POU2F2: variants seen among roughly 807,000 people sequenced by gnomAD.
The protein encoded by POU2F2 is POU class 2 homeobox 2, also known as POU domain, class 2, transcription factor 2.
A neutral mutation model predicts 63.5 loss-of-function variants in POU2F2; 14 were observed. The ratio of observed to expected loss-of-function variants is 0.22; its 90% CI spans 0.15 to 0.34. POU2F2 has a LOEUF of 0.34. POU2F2 is among the 10% of genes least tolerant of loss of function. The pLI is 1.00. For missense variants in POU2F2, 607 were observed against 815.2 expected (o/e 0.74, Z 3.11); for synonymous variants, 306 against 348.6 (o/e 0.88, Z 1.36).
At position 42,128,321 on chromosome 19, in the gene POU2F2, C is replaced by A. The variant is rs117061379; in HGVS notation, c.28+4063G>T. Among the ~76,000 whole-genome samples, 14 of 152,318 alleles carry A rather than the reference C, an allele frequency of 9.2e-5. No individual in the cohort carries two copies. In the East Asian group the frequency reaches 1.7e-3, roughly 19 times the overall value. ...ATCCCCAAGAAACCCTAACTTAAATCTTTAAGGTATGATTTCCTCTGCAGA... is the reference window on the plus strand; with the variant it reads ...ATCCCCAAGAAACCCTAACTTAAATATTTAAGGTATGATTTCCTCTGCAGA... On this transcript the variant is annotated intron_variant, in intron 1 of 14. Coordinates refer to ENST00000692977, the MANE Select transcript of POU2F2 (RefSeq NM_001394376.1).
upstream of POU2F2, chr19:42,137,196 G>C (rs2146750132): frequency 6.6e-6 from 1 of 152,308 alleles, no homozygotes; most frequent in South Asian, 2.1e-4. Context: ...TCAACTAGCA[G>C]GGCATGGTGG....
intron 1 of POU2F2, among the ~76,000 whole-genome samples, chr19:42,181,552 G>A (rs997826833): frequency 3.3e-5 from 5 of 150,584 alleles, no homozygotes; most frequent in Middle Eastern, 3.2e-3. Flanking sequence ...CCTTAATTGA[G>A]TGTGTGCGTC....
intron 1 of POU2F2, among the ~76,000 whole-genome samples, chr19:42,128,769 A>G (rs925430825): frequency 6.6e-6 from 1 of 151,348 alleles, no homozygotes; most frequent in Admixed American, 6.6e-5. Context: ...CCCACCCTAG[A>G]CTCTGATTTC....
At chr19:42,142,156 C>G (rs776619176) in intron 2 of POU2F2, among the ~76,000 whole-genome samples, 1 of 152,142 alleles carries the variant, frequency 6.6e-6, no homozygotes, top group Non-Finnish European at 1.5e-5. Context: ...TGGAAGGTAA[C>G]TAATTATAAC....
rs1421521190 is a variant in POU2F2 at position 42,091,411 on chromosome 19, G to C, written c.1721C>G (p.Ala574Gly). 3.9e-6 allele frequency: 6 copies of C among 1,548,116 alleles called. No homozygotes were observed. The highest frequency in any genetic ancestry group is 5.2e-6 in the Non-Finnish European group (6 of 1,146,910). ...PPGVGLVSAA[A>G]AAVAASISSK... ...GGAGATGGAGGCTGCCACAGCCGCAGCCGCTGCTGAGACCAGGCCCACACC... is the reference window on the plus strand; with the variant it reads ...GGAGATGGAGGCTGCCACAGCCGCACCCGCTGCTGAGACCAGGCCCACACC... The change falls in exon 15 of 15, where the codon GCT becomes GGT. Residue 574 changes from alanine (A) to glycine (G), a missense_variant. Ala to Gly is a moderately conservative substitution (Grantham distance 60). This residue lies in a region of POU2F2 where 270 missense variants were observed against 307.5 expected (regional missense o/e 0.88). Coordinates refer to ENST00000692977, the MANE Select transcript of POU2F2 (RefSeq NM_001394376.1).
chr19:42,106,388 G>A (rs997544415), intron 5 of POU2F2, among the ~76,000 whole-genome samples: 2 of 152,090 alleles, frequency 1.3e-5, no homozygotes, highest in Non-Finnish European at 2.9e-5. Flanking sequence ...TGGGGTCACA[G>A]GTGTGAGCCA....
chr19:42,195,324 CTTTT>C (rs1173270813), intron 1 of POU2F2, among the ~76,000 whole-genome samples: 7 of 141,400 alleles, frequency 5.0e-5, no homozygotes, highest in South Asian at 2.2e-4. Flanking sequence ...TTCCCTCCCT[CTTTT>C]TCTTTTTTTT....
At chr19:42,161,682 G>A (rs1159381685) in intron 1 of POU2F2, among the ~76,000 whole-genome samples, 1 of 152,078 alleles carries the variant, frequency 6.6e-6, no homozygotes, top group Non-Finnish European at 1.5e-5. Flanking sequence ...GAAGCAAAAG[G>A]GGGGTAAAAA....
intron 3 of POU2F2, 26 bp from the exon 4 acceptor site, chr19:42,122,208 G>C (rs771997513): frequency 3.4e-5 from 54 of 1,606,724 alleles, no homozygotes; most frequent in Non-Finnish European, 4.1e-5. Context: ...AGGAGCAAGG[G>C]GATGGGAATA....
At chr19:42,192,023 G>T (rs1037432991) in intron 1 of POU2F2, among the ~76,000 whole-genome samples, 1 of 152,178 alleles carries the variant, frequency 6.6e-6, no homozygotes, top group African/African-American at 2.4e-5. Context: ...CTGGCATGTG[G>T]TATAAGTGCT....
chr19:42,195,324 C>CTTTTGCTTTTTTTTTTTTTTT (rs2035129450), intron 1 of POU2F2, among the ~76,000 whole-genome samples: 2 of 141,348 alleles, frequency 1.4e-5, no homozygotes, highest in African/African-American at 5.5e-5. Flanking sequence ...TTCCCTCCCT[C>CTTTTGCTTTTTTTTTTTTTTT]TTTTTCTTTT....
At position 42,091,947 on chromosome 19, in the gene POU2F2, G is replaced by C. The variant is rs539286281; in HGVS notation, c.1467-7C>G. On this transcript the variant is annotated splice_polypyrimidine_tract_variant and splice_region_variant and intron_variant, in intron 13 of 14. Coordinates refer to ENST00000692977, the MANE Select transcript of POU2F2 (RefSeq NM_001394376.1). Reference sequence around the variant, plus strand: ...CAACCCCACCATTGTGCTTCTGCAAGAGGCAAAGCAGAGGCATTAGCAGGG... The same window carrying C: ...CAACCCCACCATTGTGCTTCTGCAACAGGCAAAGCAGAGGCATTAGCAGGG... The C allele has an allele frequency of 1.3e-6, 2 of 1,541,800 alleles. No homozygotes were observed. The highest frequency in any genetic ancestry group is 2.4e-5 in the East Asian group (1 of 40,892).
intron 1 of POU2F2, among the ~76,000 whole-genome samples, chr19:42,188,380 GA>G (rs965190674): frequency 4.1e-5 from 6 of 146,750 alleles, no homozygotes; most frequent in East Asian, 4.2e-4. Flanking sequence ...AAAAAAAAAA[GA>G]AAAAAAGGGC....
intron 2 of POU2F2, among the ~76,000 whole-genome samples, chr19:42,147,374 G>C (rs922240173): frequency 3.3e-5 from 5 of 152,166 alleles, no homozygotes; most frequent in African/African-American, 1.2e-4. Context: ...CGTCTTTTAA[G>C]GTTTGGCTTA....
In POU2F2 at chr19:42,092,283, G is replaced by A; in HGVS notation, c.1265-13C>T. 6.5e-7 allele frequency: 1 copy of A among 1,538,784 alleles called. No individual in the cohort carries two copies. Among genetic ancestry groups the A allele is most frequent in the Non-Finnish European group, 8.8e-7 (1 of 1,135,726 alleles). On this transcript the variant is annotated splice_polypyrimidine_tract_variant and intron_variant, in intron 12 of 14. Coordinates refer to ENST00000692977, the MANE Select transcript of POU2F2 (RefSeq NM_001394376.1). The surrounding 1 kb of genome is among the most constrained non-coding windows in gnomAD (Gnocchi z 5.0). ...GATAAGGTAGTAACTGCCAGAGAGAGACAGAAAGATGGGGTCTTCAGCTTC... is the reference window on the plus strand; with the variant it reads ...GATAAGGTAGTAACTGCCAGAGAGAAACAGAAAGATGGGGTCTTCAGCTTC...
chr19:42,117,015 G>A lies in POU2F2; in HGVS notation c.369+235C>T, dbSNP rs913244737. The A allele has an allele frequency of 1.6e-6, 1 of 629,376 alleles. No homozygotes were observed. Among genetic ancestry groups the A allele is most frequent in the African/African-American group, 1.8e-5 (1 of 54,356 alleles). The allele number at this position is 629,376 out of a possible 1,614,324, so 39.0% of individuals were successfully genotyped here. Reference sequence around the variant, plus strand: ...GCATCAGTGCCGTGAGCTGCGGGGTGTCGGGGACAGCAGGAATTGGAGCAA... The same window carrying A: ...GCATCAGTGCCGTGAGCTGCGGGGTATCGGGGACAGCAGGAATTGGAGCAA... On this transcript the variant is annotated intron_variant, in intron 5 of 14. Coordinates refer to ENST00000692977, the MANE Select transcript of POU2F2 (RefSeq NM_001394376.1). The surrounding 1 kb of genome is among the most constrained non-coding windows in gnomAD (Gnocchi z 4.4).
chr19:42,172,658 T>C (rs1018901830), intron 1 of POU2F2, among the ~76,000 whole-genome samples: 3 of 152,172 alleles, frequency 2.0e-5, no homozygotes, highest in African/African-American at 4.8e-5. Flanking sequence ...CATAAGCTCA[T>C]GCAAACCCCT....
At chr19:42,121,974 G>A in intron 4 of POU2F2, 152 bp downstream of exon 4, 1 of 788,860 alleles carries the variant, frequency 1.3e-6, no homozygotes, top group Non-Finnish European at 2.1e-6. Flanking sequence ...ACAGGCCTGG[G>A]GTGGGAGCCC....
At chr19:42,187,747 G>A (rs566468221) in intron 1 of POU2F2, among the ~76,000 whole-genome samples, 24 of 142,774 alleles carry the variant, frequency 1.7e-4, no homozygotes, top group Admixed American at 4.2e-4. Context: ...GACCGACAGA[G>A]CGAGACTCCA....
Sources: gnomAD v4.1 joint callset for allele counts (sites outside exome capture counted in the v4.1 genomes callset) on GRCh38, gnomAD v4.1.1 for gene constraint, gnomAD v4.1.1 regional missense constraint, Gnocchi (gnomAD v3.1) non-coding constraint, MANE v1.5 for transcripts, NCBI Gene and HGNC (gene_info 2026-07-23, HGNC 2026-07-21) for gene names.